The following SIX2 variants were observed in gnomAD, a reference collection of about 807,000 sequenced individuals.
SIX2 encodes homeobox protein SIX2.
Under a neutral mutation model 22.8 loss-of-function variants are expected in SIX2, and 20 were observed. That is an observed-to-expected ratio of 0.88 (90% CI 0.62 to 1.28). SIX2 has a LOEUF of 1.28. Ranked by LOEUF, SIX2 falls within the 50% of genes most tolerant of loss-of-function variation. The pLI, the probability that SIX2 is intolerant of heterozygous loss-of-function variation, is 0.00. For missense variants in SIX2, 360 were observed against 400.0 expected (o/e 0.90, Z 0.85); for synonymous variants, 195 against 186.4 (o/e 1.05, Z -0.37).
Position 45,006,618 on chromosome 2 carries a change from G to T in SIX2, c.561-133C>A. 2.3e-6 allele frequency: 2 copies of T among 860,140 alleles called. No homozygotes were observed. The highest frequency in any genetic ancestry group is 3.9e-6 in the Non-Finnish European group (2 of 517,984). 53.3% of individuals were successfully genotyped at this position (860,140 alleles called of 1,614,324 possible). A position where few individuals can be genotyped will look rare whatever the true frequency, so the allele number is the denominator to read the frequency against. On this transcript the variant is annotated intron_variant, in intron 1 of 1. Transcript: ENST00000303077. The surrounding 1 kb of genome is among the most constrained non-coding windows in gnomAD (Gnocchi z 4.2). The stretch of plus-strand genomic sequence containing the variant: ...GGCTTGTGGCCTGCGGGTGTTTTCG[G>T]TTTCTACCATTTCCTCGACCTGGTC...
intron 1 of SIX2, among the ~76,000 whole-genome samples, chr2:45,008,047 C>T (rs1243524761): frequency 2.0e-5 from 3 of 152,250 alleles, no homozygotes; most frequent in Non-Finnish European, 4.4e-5. Context: ...AACGAAAATT[C>T]ATGGCCTGGC....
chr2:45,006,223 G>A lies in SIX2; in HGVS notation c.823C>T (p.Gln275Ter). ...GACATGGGGTTGAGGATGGAGTCCTGCAGGCCATGGTGGTGTTGCAGTGGG... is the reference window on the plus strand; with the variant it reads ...GACATGGGGTTGAGGATGGAGTCCTACAGGCCATGGTGGTGTTGCAGTGGG... ...ADPLQHHHGL[Q>*]DSILNPMSAN... The change falls in exon 2 of 2, where the codon CAG becomes TAG. Residue 275 changes from glutamine to a stop codon, truncating the protein, a stop_gained. Transcript: ENST00000303077. LOFTEE classifies it high-confidence loss of function. The surrounding 1 kb of genome is among the most constrained non-coding windows in gnomAD (Gnocchi z 4.2). The A allele has an allele frequency of 6.2e-7, 1 of 1,614,258 alleles. No homozygotes were observed. The highest frequency in any genetic ancestry group is 8.5e-7 in the Non-Finnish European group (1 of 1,180,036).
Position 45,005,935 on chromosome 2 carries a change from T to G in SIX2, c.*235A>C. On this transcript the variant is annotated 3_prime_UTR_variant, in exon 2 of 2. Coordinates refer to ENST00000303077, the MANE Select transcript of SIX2 (RefSeq NM_016932.5). Reference sequence around the variant, plus strand: ...GTGGTGTATAATTTATTCCCTTCTGTGGTTCAAGACTCAGTCTCCAGCCCC... The same window carrying G: ...GTGGTGTATAATTTATTCCCTTCTGGGGTTCAAGACTCAGTCTCCAGCCCC... 1.6e-6 allele frequency: 1 copy of G among 623,004 alleles called. No individual in the cohort carries two copies. Among genetic ancestry groups the G allele is most frequent in the Non-Finnish European group, 2.9e-6 (1 of 344,122 alleles). The allele number at this position is 623,004 out of a possible 1,614,324, so 38.6% of individuals were successfully genotyped here.
At position 45,008,656 on chromosome 2, in the gene SIX2, C is replaced by A; in HGVS notation, c.455G>T (p.Arg152Leu). 1 of 1,614,070 alleles carries A rather than the reference C, an allele frequency of 6.2e-7. No homozygotes were observed. Among genetic ancestry groups the A allele is most frequent in the East Asian group, 2.2e-5 (1 of 44,882 alleles). ...GGCCTCCGCCAGCTCACGCTTCTCG[C>A]GGGGTGAAGGGTAGGGGTTGTGCGC... ...WYAHNPYPSP[R>L]EKRELAEATG... The change falls in exon 1 of 2, where the codon CGC becomes CTC. Residue 152 changes from arginine (R) to leucine (L), a missense_variant. Transcript: ENST00000303077.
rs77956519 is a variant in SIX2 at position 45,005,396 on chromosome 2, G to T, written c.*774C>A. Reference sequence around the variant, plus strand: ...TCGCCAAGAGAGAAGGAGGAGGGGCGTATGACGAGGCGGCGTTTAGGGGCT... The same window carrying T: ...TCGCCAAGAGAGAAGGAGGAGGGGCTTATGACGAGGCGGCGTTTAGGGGCT... On this transcript the variant is annotated 3_prime_UTR_variant, in exon 2 of 2. Coordinates refer to ENST00000303077, the MANE Select transcript of SIX2 (RefSeq NM_016932.5). 1 of 151,914 alleles carries T rather than the reference G, an allele frequency of 6.6e-6. No homozygotes were observed. Among genetic ancestry groups the T allele is most frequent in the Non-Finnish European group, 1.5e-5 (1 of 68,040 alleles). The allele number at this position is 151,914 out of a possible 1,614,324, so 9.4% of individuals were successfully genotyped here. A position where few individuals can be genotyped will look rare whatever the true frequency, so the allele number is the denominator to read the frequency against.
rs1237123333 is a variant in SIX2 at position 45,008,751 on chromosome 2, G to A, written c.360C>T (p.Ser120=). The change falls in exon 1 of 2, where the codon TCC becomes TCT. Residue 120 remains serine, a synonymous_variant. Coordinates refer to ENST00000303077, the MANE Select transcript of SIX2 (RefSeq NM_016932.5). The part of the protein sequence containing the change: ...RVRRKFPLPR[S]IWDGEETSYC... ...AGCTGGTCTCCTCGCCGTCCCAGAT[G>A]GAGCGCGGCAGCGGGAATTTGCGGC... 1.9e-6 allele frequency: 3 copies of A among 1,613,892 alleles called. No homozygotes were observed. The highest frequency in any genetic ancestry group is 1.3e-5 in the African/African-American group (1 of 74,956).
At position 45,006,079 on chromosome 2, in the gene SIX2, GGGGCCGCAGGGGC is replaced by G; in HGVS notation, c.*78_*90del. ...GCCTGCGGGTCTTTCAGTACCTGGT[GGGGCCGCAGGGGC>G]GGGGCGCCCCTGGACACCGCCACTC... On this transcript the variant is annotated 3_prime_UTR_variant, in exon 2 of 2. Coordinates refer to ENST00000303077, the MANE Select transcript of SIX2 (RefSeq NM_016932.5). The surrounding 1 kb of genome is among the most constrained non-coding windows in gnomAD (Gnocchi z 4.2). 2 of 1,383,284 alleles carry G rather than the reference GGGGCCGCAGGGGC, an allele frequency of 1.4e-6. No homozygotes were observed. Among genetic ancestry groups the G allele is most frequent in the Non-Finnish European group, 2.1e-6 (2 of 969,488 alleles). The allele number at this position is 1,383,284 out of a possible 1,614,324, so 85.7% of individuals were successfully genotyped here.
rs766486968 is a variant in SIX2, at chr2:45,009,112, G to A, written c.-2C>T. 10 of 1,558,716 alleles carry A rather than the reference G, an allele frequency of 6.4e-6. No individual in the cohort carries two copies. In the African/African-American group the frequency reaches 9.5e-5, roughly 15 times the overall value. On this transcript the variant is annotated 5_prime_UTR_variant, in exon 1 of 2. Coordinates refer to ENST00000303077, the MANE Select transcript of SIX2 (RefSeq NM_016932.5). ...GCCGAAGGTGGGCAGCATGGACATG[G>A]TGCCGGCTGCGTCCCCGCCCGCCCG...
chr2:45,007,544 C>T (rs1360277035), intron 1 of SIX2, among the ~76,000 whole-genome samples: 1 of 152,078 alleles, frequency 6.6e-6, no homozygotes, highest in Admixed American at 6.5e-5. Flanking sequence ...AGTATCTGAG[C>T]CTGCAGCACT....
chr2:45,006,047 C>G lies in SIX2; in HGVS notation c.*123G>C. On this transcript the variant is annotated 3_prime_UTR_variant, in exon 2 of 2. Transcript: ENST00000303077. This position sits in a 1 kb window ranked among gnomAD's most constrained non-coding sequence, Gnocchi z 4.2. ...TATCTGCCCTACCCGGCTGTTCTACCCGCTCAGCCTGCGGGTCTTTCAGTA... is the reference window on the plus strand; with the variant it reads ...TATCTGCCCTACCCGGCTGTTCTACGCGCTCAGCCTGCGGGTCTTTCAGTA... 1 of 1,037,038 alleles carries G rather than the reference C, an allele frequency of 9.6e-7. No individual in the cohort carries two copies. Among genetic ancestry groups the G allele is most frequent in the Non-Finnish European group, 1.5e-6 (1 of 655,288 alleles). 64.2% of individuals were successfully genotyped at this position (1,037,038 alleles called of 1,614,324 possible). A position where few individuals can be genotyped will look rare whatever the true frequency, so the allele number is the denominator to read the frequency against.
In SIX2 at chr2:45,008,741, C is replaced by G. The variant is rs1243948703; in HGVS notation, c.370G>C (p.Gly124Arg). The G allele has an allele frequency of 6.2e-7, 1 of 1,614,008 alleles. No individual in the cohort carries two copies. The highest frequency in any genetic ancestry group is 1.3e-5 in the African/African-American group (1 of 75,066). Reference protein sequence around the residue: ...KFPLPRSIWDGEETSYCFKEK... With the variant: ...KFPLPRSIWDREETSYCFKEK... ...TTGAAGCAGTAGCTGGTCTCCTCGC[C>G]GTCCCAGATGGAGCGCGGCAGCGGG... The change falls in exon 1 of 2, where the codon GGC becomes CGC. Residue 124 changes from glycine to arginine, a missense_variant. By Grantham distance (125) the Gly-to-Arg change is moderately radical. Coordinates refer to ENST00000303077, the MANE Select transcript of SIX2 (RefSeq NM_016932.5).
Position 45,008,831 on chromosome 2 carries a change from C to T in SIX2, c.280G>A (p.Glu94Lys). Residue 94 changes from glutamate to lysine, a missense_variant, in exon 1 of 2, where the codon GAG (glutamate) becomes AAG (lysine). Glu to Lys is a moderately conservative substitution (Grantham distance 56, BLOSUM62 1). Around this residue, in one of 3 missense-constraint regions of SIX2, gnomAD observed 118 missense variants for 135.1 expected, o/e 0.87. Transcript: ENST00000303077. ...QQLWLKAHYI[E>K]AEKLRGRPLG... ...GGTCGGCCGCGCAGCTTCTCCGCCTCGATGTAGTGTGCCTTGAGCCACAGC... is the reference window on the plus strand; with the variant it reads ...GGTCGGCCGCGCAGCTTCTCCGCCTTGATGTAGTGTGCCTTGAGCCACAGC... The T allele has an allele frequency of 6.2e-7, 1 of 1,613,912 alleles. No homozygotes were observed.
In SIX2 at chr2:45,008,985, G is replaced by C. The variant is rs141233412; in HGVS notation, c.126C>G (p.His42Gln). 457 of 1,613,038 alleles carry C rather than the reference G, an allele frequency of 2.8e-4. 1 individual carries two copies. Among genetic ancestry groups the C allele is most frequent in the Middle Eastern group, 3.3e-4 (2 of 5,974 alleles). Reference sequence around the variant, plus strand: ...TGAGCACGCTTTCATTCTTGTGAAGGTGCTCGCAGGCGGGCAGCGACCACA... The same window carrying C: ...TGAGCACGCTTTCATTCTTGTGAAGCTGCTCGCAGGCGGGCAGCGACCACA... ...RFLWSLPACEHLHKNESVLKA... is the reference protein window; with the variant it reads ...RFLWSLPACEQLHKNESVLKA... Residue 42 changes from histidine (H) to glutamine (Q), a missense_variant, in exon 1 of 2, where the codon CAC becomes CAG. Physicochemically the swap from His to Gln is conservative, Grantham distance 24 (BLOSUM62 0). Around this residue, in one of 3 missense-constraint regions of SIX2, gnomAD observed 118 missense variants for 135.1 expected, o/e 0.87. Coordinates refer to ENST00000303077, the MANE Select transcript of SIX2 (RefSeq NM_016932.5).
In SIX2 at chr2:45,006,385, T is replaced by C; in HGVS notation, c.661A>G (p.Thr221Ala). The change falls in exon 2 of 2, where the codon ACG (threonine) becomes GCG (alanine). Residue 221 changes from threonine to alanine, a missense_variant. By Grantham distance (58) the Thr-to-Ala change is moderately conservative (BLOSUM62 0). Coordinates refer to ENST00000303077, the MANE Select transcript of SIX2 (RefSeq NM_016932.5). The surrounding 1 kb of genome is among the most constrained non-coding windows in gnomAD (Gnocchi z 4.2). ...GGGCTGGATGATGAGTGGTCTGGCG[T>C]CCCCGATGGAGTCTTCTCATCCTCC... Reference protein sequence around the residue: ...SSEDEKTPSGTPDHSSSSPAL... With the variant: ...SSEDEKTPSGAPDHSSSSPAL... 3 of 1,614,068 alleles carry C rather than the reference T, an allele frequency of 1.9e-6. No homozygotes were observed. Among genetic ancestry groups the C allele is most frequent in the Non-Finnish European group, 2.5e-6 (3 of 1,180,012 alleles).
Position 45,006,025 on chromosome 2 carries a change from C to G in SIX2, c.*145G>C. 2 of 830,012 alleles carry G rather than the reference C, an allele frequency of 2.4e-6. No homozygotes were observed. Among genetic ancestry groups the G allele is most frequent in the South Asian group, 2.7e-5 (2 of 73,026 alleles). The allele number at this position is 830,012 out of a possible 1,614,324, so 51.4% of individuals were successfully genotyped here. ...AACAAGAACCAACATAGACAGCTAT[C>G]TGCCCTACCCGGCTGTTCTACCCGC... On this transcript the variant is annotated 3_prime_UTR_variant, in exon 2 of 2. Coordinates refer to ENST00000303077, the MANE Select transcript of SIX2 (RefSeq NM_016932.5). The surrounding 1 kb of genome is among the most constrained non-coding windows in gnomAD (Gnocchi z 4.2).
In SIX2 at chr2:45,005,676, A is replaced by G. The variant is rs892629854; in HGVS notation, c.*494T>C. 3.7e-6 allele frequency: 1 copy of G among 272,226 alleles called. No homozygotes were observed. The highest frequency in any genetic ancestry group is 7.1e-6 in the Non-Finnish European group (1 of 140,864). 16.9% of individuals were successfully genotyped at this position (272,226 alleles called of 1,614,324 possible). A position where few individuals can be genotyped will look rare whatever the true frequency, so the allele number is the denominator to read the frequency against. On this transcript the variant is annotated 3_prime_UTR_variant, in exon 2 of 2. Coordinates refer to ENST00000303077, the MANE Select transcript of SIX2 (RefSeq NM_016932.5). ...CGGAGGGACCAGGACACAGAGTACA[A>G]GAGACTGGCAGGAGAGAAGAGAGGA... is the stretch of plus-strand genomic sequence containing the variant.
intron 1 of SIX2, 63 bp downstream of exon 1, chr2:45,008,488 C>T: frequency 6.4e-7 from 1 of 1,552,020 alleles, no homozygotes; most frequent in Non-Finnish European, 8.8e-7. Context: ...CCGGCAGAAG[C>T]CCTGCGAACC....
chr2:45,008,472 G>A (rs1384225290), intron 1 of SIX2, 79 bp downstream of exon 1: 4 of 1,498,396 alleles, frequency 2.7e-6, no homozygotes, highest in Middle Eastern at 2.1e-4. Context: ...AGGCCTCTCC[G>A]GGGGACCGGC....
rs147806994 is a variant in SIX2 at position 45,006,324 on chromosome 2, G to C, written c.722C>G (p.Pro241Arg). 3 of 1,613,940 alleles carry C rather than the reference G, an allele frequency of 1.9e-6. No homozygotes were observed. Among genetic ancestry groups the C allele is most frequent in the South Asian group, 1.1e-5 (1 of 91,074 alleles). ...LLLSPPPPGL[P>R]SLHSLGHPPG... Reference sequence around the variant, plus strand: ...AGGGTGGCCCAGGCTGTGCAGGGACGGCAGCCCAGGGGGCGGCGGGCTGAG... The same window carrying C: ...AGGGTGGCCCAGGCTGTGCAGGGACCGCAGCCCAGGGGGCGGCGGGCTGAG... The change falls in exon 2 of 2, where the codon CCG (proline) becomes CGG (arginine). Residue 241 changes from proline to arginine, a missense_variant. Transcript: ENST00000303077. This position sits in a 1 kb window ranked among gnomAD's most constrained non-coding sequence, Gnocchi z 4.2.
Sources: gnomAD v4.1 joint callset for allele counts (sites outside exome capture counted in the v4.1 genomes callset) on GRCh38, gnomAD v4.1.1 for gene constraint, gnomAD v4.1.1 regional missense constraint, Gnocchi (gnomAD v3.1) non-coding constraint, MANE v1.5 for transcripts, NCBI Gene and HGNC (gene_info 2026-07-23, HGNC 2026-07-21) for gene names.